The following SBF2 variants were observed in gnomAD, a reference collection of about 807,000 sequenced individuals.
SBF2 encodes myotubularin-related protein 13.
A neutral mutation model predicts 225.2 loss-of-function variants in SBF2; 112 were observed. The observed-to-expected ratio is 0.50, with a 90% confidence interval of 0.43 to 0.58. SBF2 has a LOEUF of 0.58. Among genes scored for constraint, SBF2 ranks in the 20% least tolerant of loss-of-function variants. The probability of loss-of-function intolerance (pLI) is 0.00; values close to 1 mark genes in which losing one functional copy is unlikely to be tolerated. For missense variants in SBF2, 1,996 were observed against 2,206.2 expected (o/e 0.90, Z 1.91); for synonymous variants, 763 against 773.3 (o/e 0.99, Z 0.22).
At chr11:10,277,680 A>G (rs1963069292) in intron 1 of SBF2, among the ~76,000 whole-genome samples, 1 of 152,180 alleles carries the variant, frequency 6.6e-6, no homozygotes, top group African/African-American at 2.4e-5. Context: ...CCTAAATCCA[A>G]TGATTAGCAT....
rs1193559326 is a variant in SBF2, at chr11:9,869,938, C to CTA, written c.1930-11544_1930-11543dup. Among the ~76,000 whole-genome samples, 21 of 152,094 alleles carry CTA rather than the reference C, an allele frequency of 1.4e-4. 1 individual carries two copies. The highest frequency in any genetic ancestry group is 2.9e-5 in the Non-Finnish European group (2 of 68,014). On this transcript the variant is annotated intron_variant, in intron 17 of 39. Coordinates refer to ENST00000256190, the MANE Select transcript of SBF2 (RefSeq NM_030962.4). ...ATCTTTGTTTGCTGATGGCATGGTCCTATATCTAGAAAACCCCACTGTCTC... is the reference window on the plus strand; with the variant it reads ...ATCTTTGTTTGCTGATGGCATGGTCCTATATATCTAGAAAACCCCACTGTCTC...
In SBF2 at chr11:9,808,140, G is replaced by A. The variant is rs536618256; in HGVS notation, c.4303C>T (p.Leu1435Phe). Residue 1435 changes from leucine to phenylalanine, a missense_variant, in exon 32 of 40, where the codon CTT (leucine) becomes TTT (phenylalanine). Coordinates refer to ENST00000256190, the MANE Select transcript of SBF2 (RefSeq NM_030962.4). Reference protein sequence around the residue: ...QLLSDPFYRTLEGFQMLVEKE... With the variant: ...QLLSDPFYRTFEGFQMLVEKE... The stretch of plus-strand genomic sequence containing the variant: ...TCAACCAACATCTGGAAGCCTTCAA[G>A]TGTCCTATAAAAGGGATCACTGAGT... The A allele has an allele frequency of 6.2e-7, 1 of 1,614,176 alleles. No homozygotes were observed. The highest frequency in any genetic ancestry group is 1.7e-5 in the Admixed American group (1 of 60,020).
intron 3 of SBF2, among the ~76,000 whole-genome samples, chr11:10,040,427 G>C (rs1264877607): frequency 6.6e-6 from 1 of 151,904 alleles, no homozygotes; most frequent in East Asian, 1.9e-4. Context: ...TAAAAATGGG[G>C]GGTGAGAAGT....
At chr11:9,938,861 G>A (rs180944068) in intron 16 of SBF2, among the ~76,000 whole-genome samples, 1 of 151,760 alleles carries the variant, frequency 6.6e-6, no homozygotes, top group Non-Finnish European at 1.5e-5. Flanking sequence ...TAGCCAAAAT[G>A]AGCAAATATA....
intron 16 of SBF2, among the ~76,000 whole-genome samples, chr11:9,954,634 G>T (rs1050759450): frequency 4.6e-5 from 7 of 151,722 alleles, no homozygotes; most frequent in African/African-American, 9.7e-5. Flanking sequence ...AATGTATTTG[G>T]TTTTTTTCAA....
intron 17 of SBF2, among the ~76,000 whole-genome samples, chr11:9,861,401 C>G (rs551157618): frequency 3.9e-5 from 6 of 152,116 alleles, no homozygotes; most frequent in Admixed American, 3.9e-4. Flanking sequence ...CAGTGGCTCA[C>G]GCCTGTAATC....
intron 1 of SBF2, among the ~76,000 whole-genome samples, chr11:10,245,736 A>C (rs1051461510): frequency 6.6e-6 from 1 of 152,260 alleles, no homozygotes; most frequent in African/African-American, 2.4e-5. Flanking sequence ...CAAGACATGG[A>C]AACAAGCTAA....
At chr11:9,977,959 C>T (rs1946777046) in intron 13 of SBF2, among the ~76,000 whole-genome samples, 1 of 152,178 alleles carries the variant, frequency 6.6e-6, no homozygotes, top group Non-Finnish European at 1.5e-5. Context: ...CCTAGATACA[C>T]ATACCAGACT....
At chr11:9,983,966 C>A (rs1391090471) in intron 13 of SBF2, among the ~76,000 whole-genome samples, 2 of 152,152 alleles carry the variant, frequency 1.3e-5, no homozygotes, top group Admixed American at 1.3e-4. Context: ...ACAGAGCTTA[C>A]CCAAATAAGA....
chr11:10,063,267 C>T (rs1022919959), intron 2 of SBF2, among the ~76,000 whole-genome samples: 2 of 151,226 alleles, frequency 1.3e-5, no homozygotes, highest in Admixed American at 6.6e-5. Context: ...AACAAACCCC[C>T]GACACATGTT....
At chr11:10,066,828 C>T (rs1950643640) in intron 2 of SBF2, among the ~76,000 whole-genome samples, 1 of 152,116 alleles carries the variant, frequency 6.6e-6, no homozygotes, top group Admixed American at 6.6e-5. Flanking sequence ...AGAGAAAAAT[C>T]TACAAAGAGT....
At chr11:10,302,760 AGGCAGCGAGGT>A (rs200252609) in intron 1 of SBF2, 8,541 of 152,522 alleles carry the variant, frequency 0.056, 314 homozygotes, top group Middle Eastern at 0.15. Flanking sequence ...GGCAGCGAGG[AGGCAGCGAGGT>A]GGCAGCGAGG....
intron 1 of SBF2, among the ~76,000 whole-genome samples, chr11:10,278,370 T>A (rs966917912): frequency 6.6e-6 from 1 of 152,216 alleles, no homozygotes; most frequent in South Asian, 2.1e-4. Context: ...TAAATAACTT[T>A]TACTCAATAA....
chr11:10,195,459 T>C (rs1957320948), intron 1 of SBF2, among the ~76,000 whole-genome samples: 1 of 152,226 alleles, frequency 6.6e-6, no homozygotes, highest in Admixed American at 6.5e-5. Context: ...TTCATGTTCC[T>C]TGCATATTCT....
intron 16 of SBF2, among the ~76,000 whole-genome samples, chr11:9,950,675 C>T (rs927667866): frequency 6.6e-5 from 10 of 152,110 alleles, no homozygotes; most frequent in African/African-American, 1.4e-4. Context: ...TCAACATGTC[C>T]GTCAACATTC....
intron 13 of SBF2, among the ~76,000 whole-genome samples, chr11:9,982,350 C>G (rs1194458970): frequency 6.6e-6 from 1 of 152,086 alleles, no homozygotes; most frequent in Non-Finnish European, 1.5e-5. Flanking sequence ...GGGCAAATGA[C>G]TAACTGAAAA....
chr11:9,882,165 G>A (rs907421847), intron 17 of SBF2, among the ~76,000 whole-genome samples: 1 of 152,124 alleles, frequency 6.6e-6, no homozygotes, highest in African/African-American at 2.4e-5. Context: ...TTGAAAGACA[G>A]CAAAAATGCA....
At chr11:10,101,191 A>G (rs1952285767) in intron 2 of SBF2, among the ~76,000 whole-genome samples, 1 of 152,036 alleles carries the variant, frequency 6.6e-6, no homozygotes, top group African/African-American at 2.4e-5. Flanking sequence ...TGACTCGGGG[A>G]GACTATCCAC....
At position 10,294,073 on chromosome 11, in the gene SBF2, C is replaced by T; in HGVS notation, c.-4G>A. On this transcript the variant is annotated 5_prime_UTR_variant, in exon 1 of 40. Transcript: ENST00000256190. The stretch of plus-strand genomic sequence containing the variant: ...AGTAGTCAGCCAGCCGGGCCATGGC[C>T]GCCGCCGCCGCGCTCGGGAAGCGGG... 1 of 1,357,026 alleles carries T rather than the reference C, an allele frequency of 7.4e-7. No individual in the cohort carries two copies. The highest frequency in any genetic ancestry group is 3.4e-5 in the Admixed American group (1 of 29,210). 84.1% of individuals were successfully genotyped at this position (1,357,026 alleles called of 1,614,324 possible).
Sources: gnomAD v4.1 joint callset for allele counts (sites outside exome capture counted in the v4.1 genomes callset) on GRCh38, gnomAD v4.1.1 for gene constraint, MANE v1.5 for transcripts, NCBI Gene and HGNC (gene_info 2026-07-23, HGNC 2026-07-21) for gene names.